METTL5: variants seen among roughly 807,000 people sequenced by gnomAD.
The protein encoded by METTL5 is methyltransferase 5, N6-adenosine, also known as rRNA N(6)-adenosine-methyltransferase METTL5.
Under a neutral mutation model 26.5 loss-of-function variants are expected in METTL5, and 28 were observed. The ratio of observed to expected loss-of-function variants is 1.06; its 90% CI spans 0.78 to 1.45. The LOEUF is 1.45. Among genes scored for constraint, METTL5 ranks in the 40% most tolerant of loss-of-function variants. METTL5 has a pLI of 0.00. For synonymous variants in METTL5, 86 were observed against 82.6 expected (o/e 1.04, Z -0.22); for missense variants, 231 against 249.9 (o/e 0.92, Z 0.51).
chr2:169,813,424 C>T (rs904554916), intron 5 of METTL5, among the ~76,000 whole-genome samples: 4 of 151,780 alleles, frequency 2.6e-5, no homozygotes, highest in African/African-American at 4.8e-5. Context: ...CCACCACGCC[C>T]GGCCTGAAAT....
chr2:169,812,125 AGCTATTGACGATGG>A, intron 6 of METTL5: 2 of 563,680 alleles, frequency 3.5e-6, no homozygotes, highest in South Asian at 4.7e-5. Flanking sequence ...CTAGAATATT[AGCTATTGACGATGG>A]GCCTTTCCCA....
rs1490063135 is a variant in METTL5, at chr2:169,812,593, GAA to G, written c.542-89_542-88del. The G allele has an allele frequency of 4.9e-6, 7 of 1,431,488 alleles. No individual in the cohort carries two copies. The African/African-American group carries it at 1.0e-4, about 20-fold the overall frequency. 88.7% of individuals were successfully genotyped at this position (1,431,488 alleles called of 1,614,324 possible). ...AAACAACAACAACAACAAAAACTAA[GAA>G]AAGTGTTAAGTGCTGGTAAGCTGAA... On this transcript the variant is annotated intron_variant, in intron 5 of 6. Transcript: ENST00000260953.
chr2:169,815,759 C>A (rs962024245), intron 4 of METTL5, among the ~76,000 whole-genome samples: 1 of 152,164 alleles, frequency 6.6e-6, no homozygotes, highest in African/African-American at 2.4e-5. Context: ...GAAAGCTACT[C>A]ATGCACCACA....
chr2:169,815,559 G>A (rs373723981), intron 4 of METTL5, 31 bp from the exon 5 acceptor site: 305 of 1,500,636 alleles, frequency 2.0e-4, no homozygotes, highest in Non-Finnish European at 2.4e-4. Flanking sequence ...GTTATGAGCT[G>A]ATTTTTAAAT....
rs1033384688 is a variant in METTL5 at position 169,812,241 on chromosome 2, CT to C, written c.591+215del. ...AATAATTACTTGTCACAAAGCTTTC[CT>C]TTTTTTTTCTTTTTCGAGACTGAGT... On this transcript the variant is annotated intron_variant, in intron 6 of 6. Coordinates refer to ENST00000260953, the MANE Select transcript of METTL5 (RefSeq NM_014168.4). The C allele has an allele frequency of 1.7e-4, 112 of 674,512 alleles. 1 individual carries two copies. The highest frequency in any genetic ancestry group is 2.7e-4 in the South Asian group (14 of 51,124). 41.8% of individuals were successfully genotyped at this position (674,512 alleles called of 1,614,324 possible).
At chr2:169,814,370 C>T (rs2105711811) in intron 5 of METTL5, among the ~76,000 whole-genome samples, 1 of 144,066 alleles carries the variant, frequency 6.9e-6, no homozygotes, top group East Asian at 2.1e-4. Context: ...GCCTGTAGTC[C>T]CAACTATTTG....
chr2:169,815,564 TTAAA>T, intron 4 of METTL5, 36 bp from the exon 5 acceptor site: 2 of 1,487,048 alleles, frequency 1.3e-6, no homozygotes, highest in Non-Finnish European at 1.8e-6. Flanking sequence ...GAGCTGATTT[TTAAA>T]TAATGATTTT....
intron 3 of METTL5, among the ~76,000 whole-genome samples, chr2:169,820,300 C>T (rs2081567336): frequency 6.6e-6 from 1 of 152,180 alleles, no homozygotes; most frequent in African/African-American, 2.4e-5. Flanking sequence ...TCCTAACCTC[C>T]TTGCCCACAG....
intron 3 of METTL5, 99 bp downstream of exon 3, chr2:169,820,993 G>C (rs2081575856): frequency 2.0e-6 from 2 of 1,001,552 alleles, no homozygotes; most frequent in African/African-American, 1.7e-5. Flanking sequence ...GCCTCGCAAA[G>C]CACTGGCATT....
In METTL5 at chr2:169,817,568, T is replaced by C. The variant is rs371526101; in HGVS notation, c.489+1993A>G. Among the ~76,000 whole-genome samples, 6 of 152,168 alleles carry C rather than the reference T, an allele frequency of 3.9e-5. No homozygotes were observed. The East Asian group carries it at 5.8e-4, about 15-fold the overall frequency. On this transcript the variant is annotated intron_variant, in intron 4 of 6. Coordinates refer to ENST00000260953, the MANE Select transcript of METTL5 (RefSeq NM_014168.4). ...GATAATAGACTGGATAAAGAAAATG[T>C]GGCACATATACACCATGGAATACTA... is the stretch of plus-strand genomic sequence containing the variant.
Position 169,824,696 on chromosome 2 carries a change from C to T in METTL5, c.-99G>A. 9.9e-7 allele frequency: 1 copy of T among 1,005,556 alleles called. No homozygotes were observed. Among genetic ancestry groups the T allele is most frequent in the Non-Finnish European group, 1.6e-6 (1 of 638,062 alleles). 62.3% of individuals were successfully genotyped at this position (1,005,556 alleles called of 1,614,324 possible). A position where few individuals can be genotyped will look rare whatever the true frequency, so the allele number is the denominator to read the frequency against. ...GTTTCCTCCCTACCCCCAACCTTCTCCCTTTTTCAGCACCGCTGGCCGGAC... is the reference window on the plus strand; with the variant it reads ...GTTTCCTCCCTACCCCCAACCTTCTTCCTTTTTCAGCACCGCTGGCCGGAC... On this transcript the variant is annotated 5_prime_UTR_variant, in exon 1 of 7. Transcript: ENST00000260953.
In METTL5 at chr2:169,821,087, CA is replaced by C; in HGVS notation, c.406+4del. ...ATACCAATATACCCGATTCTTGTTA[CA>C]AACCTTTATTATTTTTGGTCCCAAA... is the stretch of plus-strand genomic sequence containing the variant. On this transcript the variant is annotated splice_donor_region_variant and intron_variant, in intron 3 of 6. Transcript: ENST00000260953. The C allele has an allele frequency of 6.4e-7, 1 of 1,573,478 alleles. No homozygotes were observed. Among genetic ancestry groups the C allele is most frequent in the Non-Finnish European group, 8.6e-7 (1 of 1,164,376 alleles).
intron 2 of METTL5, 45 bp downstream of exon 2, chr2:169,821,898 A>C (rs2081589702): frequency 6.4e-7 from 1 of 1,573,202 alleles, no homozygotes; most frequent in Non-Finnish European, 8.7e-7. Flanking sequence ...GATGCTCCTT[A>C]TTAAAGCCAC....
At chr2:169,811,970 A>G (rs1689977801) in intron 6 of METTL5, 112 bp from the exon 7 acceptor site, 6 of 1,242,240 alleles carry the variant, frequency 4.8e-6, no homozygotes, top group Non-Finnish European at 6.8e-6. Flanking sequence ...TCAAATATCA[A>G]AAGGAAGATT....
chr2:169,814,619 G>A (rs1690087683), intron 5 of METTL5, among the ~76,000 whole-genome samples: 1 of 148,714 alleles, frequency 6.7e-6, no homozygotes, highest in East Asian at 1.9e-4. Flanking sequence ...CTGTTGCTTA[G>A]GCTAGAGAGC....
At chr2:169,820,707 G>A (rs1296441566) in intron 3 of METTL5, among the ~76,000 whole-genome samples, 2 of 152,216 alleles carry the variant, frequency 1.3e-5, no homozygotes, top group African/African-American at 4.8e-5. Context: ...TGATAAAAAT[G>A]GTTTTTATTT....
In METTL5 at chr2:169,811,812, C is replaced by A. The variant is rs199640881; in HGVS notation, c.*8G>T. 1.9e-6 allele frequency: 3 copies of A among 1,613,506 alleles called. No individual in the cohort carries two copies. The highest frequency in any genetic ancestry group is 2.5e-6 in the Non-Finnish European group (3 of 1,179,738). ...ATAGGTTTTAAACGACTTTTGTTTG[C>A]GGGGCTTTTAAAAGGAAAACCGAAT... On this transcript the variant is annotated 3_prime_UTR_variant, in exon 7 of 7. Coordinates refer to ENST00000260953, the MANE Select transcript of METTL5 (RefSeq NM_014168.4).
intron 4 of METTL5, among the ~76,000 whole-genome samples, chr2:169,818,658 A>G (rs2081542571): frequency 6.6e-6 from 1 of 152,204 alleles, no homozygotes; most frequent in Non-Finnish European, 1.5e-5. Flanking sequence ...ACTAGAATGT[A>G]TTATTTCCAA....
chr2:169,821,383 G>T, intron 2 of METTL5, 110 bp from the exon 3 acceptor site: 2 of 770,282 alleles, frequency 2.6e-6, no homozygotes, highest in Non-Finnish European at 2.0e-6. Context: ...AACCCAATTA[G>T]CAAAGTAAGA....
Sources: gnomAD v4.1 joint callset for allele counts (sites outside exome capture counted in the v4.1 genomes callset) on GRCh38, gnomAD v4.1.1 for gene constraint, MANE v1.5 for transcripts, NCBI Gene and HGNC (gene_info 2026-07-23, HGNC 2026-07-21) for gene names.